Variants in SYTL5 observed in about 807,000 individuals in gnomAD.
SYTL5 encodes the protein synaptotagmin-like protein 5.
SYTL5 carries 34 observed loss-of-function variants against 55.9 expected under a neutral mutation model. The ratio of observed to expected loss-of-function variants is 0.61; its 90% confidence interval spans 0.46 to 0.81. The LOEUF (loss-of-function observed/expected upper bound fraction) is 0.81. Ranked by LOEUF, SYTL5 falls within the 30% of genes least tolerant of loss-of-function variation. SYTL5 has a pLI of 0.00. For missense variants in SYTL5, 637 were observed against 546.7 expected (o/e 1.17, Z -1.65); for synonymous variants, 221 against 188.7 (o/e 1.17, Z -1.40).
At chrX:37,981,799 A>G in the SYTL5 span, among the ~76,000 whole-genome samples, 9 of 111,562 alleles carry the variant, frequency 8.1e-5, no homozygotes, top group African/African-American at 2.6e-4. Context: ...TCCCAGGGTA[A>G]CTATGGTCAT....
intron 2 of SYTL5, among the ~76,000 whole-genome samples, chrX:38,048,703 T>A (rs1935543698): frequency 9.1e-6 from 1 of 110,259 alleles, no homozygotes; most frequent in Non-Finnish European, 1.9e-5. Context: ...CTCACTATCA[T>A]GAGAATGGCA....
chrX:38,112,946 A>T (rs1937394981), intron 13 of SYTL5, among the ~76,000 whole-genome samples: 1 of 112,344 alleles, frequency 8.9e-6, no homozygotes, highest in Non-Finnish European at 1.9e-5. Context: ...AGGGGATCAG[A>T]ATTAATAATC....
At position 38,070,882 on chromosome X, in the gene SYTL5, T is replaced by C. The variant is rs150894224; in HGVS notation, c.330-1165T>C. On this transcript the variant is annotated intron_variant, in intron 3 of 16. Coordinates refer to ENST00000297875, the MANE Select transcript of SYTL5 (RefSeq NM_138780.3). ...AGGACTTTTATAGCAGCATAACTACTATAGGTTGAATTCCAGGTATTCTAA... is the reference window on the plus strand; with the variant it reads ...AGGACTTTTATAGCAGCATAACTACCATAGGTTGAATTCCAGGTATTCTAA... 6.1e-3 allele frequency among the ~76,000 whole-genome samples: 678 copies of C among 111,993 alleles called. 5 individuals are homozygous for C. The highest frequency in any genetic ancestry group is 0.021 in the African/African-American group (650 of 30,881).
At chrX:38,001,981 C>T (rs1280871844), upstream of SYTL5, among the ~76,000 whole-genome samples, 1 of 110,618 alleles carries the variant, frequency 9.0e-6, no homozygotes, top group Non-Finnish European at 1.9e-5. Context: ...CTTCATTTAA[C>T]ATTAGGTATA....
the SYTL5 span, among the ~76,000 whole-genome samples, chrX:37,894,046 A>G: frequency 4.5e-5 from 5 of 110,094 alleles, no homozygotes; most frequent in Admixed American, 4.9e-4. Context: ...ATTACACTAT[A>G]TGTCCTCTTT....
the SYTL5 span, among the ~76,000 whole-genome samples, chrX:37,993,670 A>G: frequency 8.9e-6 from 1 of 112,386 alleles, no homozygotes; most frequent in Non-Finnish European, 1.9e-5. Context: ...ACATGGAGGC[A>G]AAATTGGGAG....
the SYTL5 span, among the ~76,000 whole-genome samples, chrX:37,938,907 A>G: frequency 8.9e-6 from 1 of 111,951 alleles, no homozygotes; most frequent in African/African-American, 3.3e-5. Flanking sequence ...TAGGTACTGC[A>G]CCTATTCAAA....
At chrX:38,103,343 A>G (rs1937128065) in intron 10 of SYTL5, among the ~76,000 whole-genome samples, 1 of 112,296 alleles carries the variant, frequency 8.9e-6, no homozygotes, top group African/African-American at 3.2e-5. Flanking sequence ...AAACCTTTGA[A>G]GTAAACAACT....
intron 1 of SYTL5, among the ~76,000 whole-genome samples, chrX:38,017,042 C>A (rs912252548): frequency 9.0e-6 from 1 of 111,623 alleles, no homozygotes; most frequent in Non-Finnish European, 1.9e-5. Context: ...GACTTTAGAT[C>A]TCCTAACTAA....
chrX:37,968,335 T>C, the SYTL5 span, among the ~76,000 whole-genome samples: 1 of 111,734 alleles, frequency 8.9e-6, no homozygotes, highest in Non-Finnish European at 1.9e-5. Context: ...CTTACACCTG[T>C]TATAATTCTA....
At chrX:38,041,319 G>A (rs963744095) in intron 2 of SYTL5, among the ~76,000 whole-genome samples, 15 of 112,350 alleles carry the variant, frequency 1.3e-4, no homozygotes, top group African/African-American at 4.5e-4. Flanking sequence ...CACTATAAAT[G>A]TTTGATCATT....
the SYTL5 span, among the ~76,000 whole-genome samples, chrX:37,955,441 T>C: frequency 9.8e-5 from 11 of 112,310 alleles, no homozygotes; most frequent in African/African-American, 3.2e-4. Context: ...CTATTTACTT[T>C]GTTTTACTGT....
At chrX:38,006,254 A>G (rs1474111819), upstream of SYTL5, among the ~76,000 whole-genome samples, 1 of 112,043 alleles carries the variant, frequency 8.9e-6, no homozygotes, top group Non-Finnish European at 1.9e-5. Context: ...GTTCATTGTT[A>G]TCACGTTTCT....
chrX:37,990,894 G>T, the SYTL5 span: 12 of 1,211,055 alleles, frequency 9.9e-6, no homozygotes, highest in South Asian at 2.1e-4. Flanking sequence ...CCAGACTCAA[G>T]ACCCTTCTAG....
Position 38,128,561 on chromosome X carries a change from A to G in SYTL5, c.*1831A>G, listed in dbSNP as rs891163422. The G allele has an allele frequency of 9.8e-5, 11 of 111,798 alleles. No homozygotes were observed. The highest frequency in any genetic ancestry group is 3.2e-4 in the African/African-American group (10 of 30,811). The allele number at this position is 111,798 out of a possible 1,213,427, so 9.2% of individuals were successfully genotyped here. A position where few individuals can be genotyped will look rare whatever the true frequency, so the allele number is the denominator to read the frequency against. ...TTCCATATTTCTAGATTTCATCTTG[A>G]ATTTTGAAAACTGATTTAAGAATAT... On this transcript the variant is annotated 3_prime_UTR_variant, in exon 17 of 17. Transcript: ENST00000297875.
chrX:38,118,952 C>CAT (rs36070047), intron 13 of SYTL5, among the ~76,000 whole-genome samples: 6,348 of 89,563 alleles, frequency 0.071, 201 homozygotes, highest in Non-Finnish European at 0.086. Flanking sequence ...TACGCATATA[C>CAT]ATATATATAT....
At chrX:37,898,099 CA>C in the SYTL5 span, among the ~76,000 whole-genome samples, 2 of 106,128 alleles carry the variant, frequency 1.9e-5, no homozygotes, top group African/African-American at 6.8e-5. Flanking sequence ...AACTCTGTCT[CA>C]AAAAAAAAAA....
chrX:37,924,514 TG>T, the SYTL5 span, among the ~76,000 whole-genome samples: 1 of 111,602 alleles, frequency 9.0e-6, no homozygotes, highest in Non-Finnish European at 1.9e-5. Context: ...GAATACTTAT[TG>T]TATAGCTTAT....
chrX:37,976,684 G>A, the SYTL5 span, among the ~76,000 whole-genome samples: 1 of 109,864 alleles, frequency 9.1e-6, no homozygotes, highest in Non-Finnish European at 1.9e-5. Flanking sequence ...ATAAAGAAAA[G>A]TCCTGGCCAG....
Sources: allele counts gnomAD v4.1 joint callset (sites outside exome capture counted in the v4.1 genomes callset), GRCh38; gene constraint gnomAD v4.1.1; transcripts MANE v1.5; gene names NCBI Gene and HGNC (gene_info 2026-07-23, HGNC 2026-07-21).